LETM2: variants seen among roughly 807,000 people sequenced by gnomAD.
LETM2 encodes LETM1 domain-containing protein LETM2, mitochondrial.
In LETM2, 58 loss-of-function variants were observed where a neutral mutation model predicts 59.6. The observed-to-expected ratio is 0.97, with a 90% CI of 0.79 to 1.21. The LOEUF (loss-of-function observed/expected upper bound fraction) is 1.21. Ranked by LOEUF, LETM2 falls within the 50% of genes most tolerant of loss-of-function variation. The pLI is 0.00. For missense variants in LETM2, 572 were observed against 575.7 expected, an observed-to-expected ratio of 0.99 and a Z score of 0.07; for synonymous variants, 199 against 214.1, an observed-to-expected ratio of 0.93 and a Z score of 0.62.
intron 2 of LETM2, among the ~76,000 whole-genome samples, chr8:38,391,449 C>T (rs1812265221): frequency 2.6e-5 from 4 of 151,072 alleles, no homozygotes; most frequent in Admixed American, 1.3e-4. Context: ...ACTACAGGCA[C>T]GTGCCACCAC....
chr8:38,383,540 A>C (rs1811660785), upstream of LETM2: 1 of 152,214 alleles, frequency 6.6e-6, no homozygotes. Context: ...ATATCACTTA[A>C]GGAAATTAAA....
chr8:38,389,813 A>G (rs978550801), intron 2 of LETM2, among the ~76,000 whole-genome samples: 4 of 151,656 alleles, frequency 2.6e-5, no homozygotes, highest in Admixed American at 2.0e-4. Context: ...ATCCTGGCCA[A>G]TGTGGTGAAA....
chr8:38,407,390 T>C lies in LETM2; in HGVS notation c.1340T>C (p.Val447Ala). Residue 447 changes from valine (V) to alanine (A), a missense_variant, in exon 10 of 11, where the codon GTT (valine) becomes GCT (alanine). Physicochemically the swap from Val to Ala is moderately conservative, Grantham distance 64. Coordinates refer to ENST00000379957, the MANE Select transcript of LETM2 (RefSeq NM_001286819.2). Reference sequence around the variant, plus strand: ...GAAGACTTTATACAGCCGCCACCAGTTACATCATCACCCATAACACCATCA... The same window carrying C: ...GAAGACTTTATACAGCCGCCACCAGCTACATCATCACCCATAACACCATCA... ...KDEDFIQPPP[V>A]TSSPITPSTP... 6.2e-7 allele frequency: 1 copy of C among 1,613,410 alleles called. No individual in the cohort carries two copies.
intron 5 of LETM2, 91 bp from the exon 6 acceptor site, chr8:38,400,762 A>T: frequency 8.7e-7 from 1 of 1,143,658 alleles, no homozygotes; most frequent in African/African-American, 1.5e-5. Context: ...GAGTCCCATA[A>T]ATGCTTTGAT....
rs549663160 is a variant in LETM2, at chr8:38,394,194, C to G, written c.598C>G (p.Leu200Val). The change falls in exon 4 of 11, where the codon CTC becomes GTC. Residue 200 changes from leucine (L) to valine (V), a missense_variant. Transcript: ENST00000379957. ...ATTCTTATTACCAGTGTTTCTGAAA[C>G]TCTTCCCAGAGATGTTGCCATCAAC... ...MEFLLPVFLK[L>V]FPEMLPSTFE... The G allele has an allele frequency of 1.1e-5, 16 of 1,515,720 alleles. No homozygotes were observed. The highest frequency in any genetic ancestry group is 8.6e-5 in the Admixed American group (4 of 46,520). The allele number at this position is 1,515,720 out of a possible 1,614,324, so 93.9% of individuals were successfully genotyped here. A position where few individuals can be genotyped will look rare whatever the true frequency, so the allele number is the denominator to read the frequency against.
intron 10 of LETM2, 48 bp downstream of exon 10, chr8:38,407,511 T>C: frequency 8.1e-7 from 1 of 1,228,874 alleles, no homozygotes; most frequent in African/African-American, 1.5e-5. Context: ...CCTTTCCCTC[T>C]AGTTATCTTT....
Position 38,388,017 on chromosome 8 carries a change from A to G in LETM2, c.34A>G (p.Ile12Val). 1 of 1,530,916 alleles carries G rather than the reference A, an allele frequency of 6.5e-7. No individual in the cohort carries two copies. The highest frequency in any genetic ancestry group is 8.8e-7 in the Non-Finnish European group (1 of 1,142,750). The allele number at this position is 1,530,916 out of a possible 1,614,324, so 94.8% of individuals were successfully genotyped here. The change falls in exon 2 of 11, where the codon ATT (isoleucine) becomes GTT (valine). Residue 12 changes from isoleucine to valine, a missense_variant. Ile to Val is a conservative substitution (Grantham distance 29, BLOSUM62 3). Coordinates refer to ENST00000379957, the MANE Select transcript of LETM2 (RefSeq NM_001286819.2). ...CTACAGTTATAATTCAGTTCTGGCT[A>G]TTGCTCGAACAAGGTAAGCATTGGA... ...AFYSYNSVLA[I>V]ARTRFPSHFV... is the part of the protein sequence containing the mutation.
At chr8:38,393,221 T>G (rs1281914455) in intron 3 of LETM2, 1 of 481,204 alleles carries the variant, frequency 2.1e-6, no homozygotes, top group Non-Finnish European at 3.7e-6. Flanking sequence ...TAAAAAAAAC[T>G]TTTATTTTAG....
rs1315680993 is a variant in LETM2 at position 38,400,323 on chromosome 8, C to T, written c.697C>T (p.Leu233Phe). Reference sequence around the variant, plus strand: ...TGTAAAGTTGGAACTAGCAAAATTTCTTCAAGAAACCATGACAGAAATGGC... The same window carrying T: ...TGTAAAGTTGGAACTAGCAAAATTTTTTCAAGAAACCATGACAGAAATGGC... ...MAVKLELAKF[L>F]QETMTEMARR... The change falls in exon 5 of 11, where the codon CTT becomes TTT. Residue 233 changes from leucine to phenylalanine, a missense_variant. By Grantham distance (22) the Leu-to-Phe change is conservative. Transcript: ENST00000379957. 2 of 1,613,374 alleles carry T rather than the reference C, an allele frequency of 1.2e-6. No individual in the cohort carries two copies. Among genetic ancestry groups the T allele is most frequent in the Non-Finnish European group, 1.7e-6 (2 of 1,179,652 alleles).
At chr8:38,388,621 G>A (rs575639122) in intron 2 of LETM2, among the ~76,000 whole-genome samples, 1 of 149,926 alleles carries the variant, frequency 6.7e-6, no homozygotes, top group African/African-American at 2.4e-5. Context: ...TTGTGAGGCT[G>A]AGACAGGAGA....
chr8:38,402,504 C>T (rs1813314049), intron 6 of LETM2, 21 bp from the exon 7 acceptor site: 1 of 1,612,554 alleles, frequency 6.2e-7, no homozygotes, highest in Non-Finnish European at 8.5e-7. Context: ...GTTCCAACTC[C>T]ATCCCTTACA....
intron 4 of LETM2, 31 bp from the exon 5 acceptor site, chr8:38,400,241 A>T (rs545920250): frequency 3.8e-6 from 6 of 1,573,868 alleles, no homozygotes; most frequent in Non-Finnish European, 5.2e-6. Flanking sequence ...ATCACGAAGG[A>T]TTGAGTAACT....
At chr8:38,407,140 T>C in intron 9 of LETM2, 102 bp downstream of exon 9, 1 of 764,098 alleles carries the variant, frequency 1.3e-6, no homozygotes, top group Non-Finnish European at 2.2e-6. Context: ...TGAAATTCAA[T>C]ACAATAATGT....
intron 4 of LETM2, 104 bp from the exon 5 acceptor site, chr8:38,400,168 T>C (rs1467275487): frequency 1.2e-5 from 10 of 851,786 alleles, no homozygotes; most frequent in South Asian, 7.2e-5. Context: ...TATTACATGA[T>C]GTAGGGATGA....
At chr8:38,403,337 G>A (rs1297422000) in intron 7 of LETM2, among the ~76,000 whole-genome samples, 1 of 152,246 alleles carries the variant, frequency 6.6e-6, no homozygotes, top group Non-Finnish European at 1.5e-5. Flanking sequence ...CAGGGACAAG[G>A]TGTCTTGGGA....
In LETM2 at chr8:38,388,041, G is replaced by C; in HGVS notation, c.47+11G>C. 1.3e-6 allele frequency: 2 copies of C among 1,499,220 alleles called. No individual in the cohort carries two copies. The allele number at this position is 1,499,220 out of a possible 1,614,324, so 92.9% of individuals were successfully genotyped here. A position where few individuals can be genotyped will look rare whatever the true frequency, so the allele number is the denominator to read the frequency against. On this transcript the variant is annotated intron_variant, in intron 2 of 10. Coordinates refer to ENST00000379957, the MANE Select transcript of LETM2 (RefSeq NM_001286819.2). ...TATTGCTCGAACAAGGTAAGCATTG[G>C]AGTTACCCCCCAATATGAACGTAAT...
rs543403370 is a variant in LETM2, at chr8:38,403,759, C to T, written c.1105-634C>T. Among the ~76,000 whole-genome samples the T allele has an allele frequency of 3.7e-3, 567 of 152,312 alleles. 6 individuals carry two copies. The highest frequency in any genetic ancestry group is 0.01 in the Middle Eastern group (3 of 294). ...AGACAGCACATTGTAGAGAAAGATC[C>T]TTAAAATCATGTATTTCTTGAACGT... On this transcript the variant is annotated intron_variant, in intron 7 of 10. Coordinates refer to ENST00000379957, the MANE Select transcript of LETM2 (RefSeq NM_001286819.2).
chr8:38,398,520 T>C (rs913042464), intron 4 of LETM2, among the ~76,000 whole-genome samples: 2 of 152,190 alleles, frequency 1.3e-5, no homozygotes, highest in Non-Finnish European at 1.5e-5. Flanking sequence ...TATGCTTCTA[T>C]ATTAATGTGA....
At chr8:38,396,965 A>C in intron 4 of LETM2, 1 of 371,890 alleles carries the variant, frequency 2.7e-6, no homozygotes, top group Non-Finnish European at 5.3e-6. Context: ...CGCGGTGACT[A>C]GTGGAACAGT....
Sources: gnomAD v4.1 joint callset for allele counts (sites outside exome capture counted in the v4.1 genomes callset) on GRCh38, gnomAD v4.1.1 for gene constraint, MANE v1.5 for transcripts, NCBI Gene and HGNC (gene_info 2026-07-23, HGNC 2026-07-21) for gene names.